The following CACNA1E variants were observed in gnomAD, a reference collection of about 807,000 sequenced individuals.
CACNA1E encodes the protein voltage-dependent R-type calcium channel subunit alpha-1E.
Under a neutral mutation model 259.2 loss-of-function variants are expected in CACNA1E, and 40 were observed. That is an observed-to-expected ratio of 0.15 (90% CI 0.12 to 0.20). The LOEUF (loss-of-function observed/expected upper bound fraction) is 0.20. Ranked by LOEUF, CACNA1E falls within the 10% of genes least tolerant of loss-of-function variation. CACNA1E has a pLI of 1.00. For synonymous variants in CACNA1E, 1,104 were observed against 1,138.5 expected (o/e 0.97, Z 0.61); for missense variants, 1,874 against 3,040.1 (o/e 0.62, Z 9.02).
intron 46 of CACNA1E, among the ~76,000 whole-genome samples, 188 bp from the exon 47 acceptor site, chr1:181,796,480 G>A (rs573942132): frequency 1.3e-5 from 2 of 152,204 alleles, no homozygotes; most frequent in South Asian, 4.1e-4. Flanking sequence ...CTCATGCCCT[G>A]CCTCCTAATA....
intron 1 of CACNA1E, among the ~76,000 whole-genome samples, chr1:181,496,037 G>A (rs12734881): frequency 0.058 from 8,758 of 152,190 alleles, 359 homozygotes; most frequent in Middle Eastern, 0.13. Context: ...TGGAGGCCTG[G>A]ATCAGAACTC....
At chr1:181,404,415 CT>C (rs1657322511) in intron 1 of CACNA1E, among the ~76,000 whole-genome samples, 1 of 152,106 alleles carries the variant, frequency 6.6e-6, no homozygotes, top group Non-Finnish European at 1.5e-5. Flanking sequence ...GCTAAAAATC[CT>C]TCAGGCCACA....
chr1:181,676,946 G>A (rs1290074839), intron 7 of CACNA1E, among the ~76,000 whole-genome samples: 1 of 152,048 alleles, frequency 6.6e-6, no homozygotes, highest in Non-Finnish European at 1.5e-5. Context: ...ACACTTTTTA[G>A]GCCTTTGTCA....
intron 3 of CACNA1E, among the ~76,000 whole-genome samples, chr1:181,556,938 C>G (rs1648787968): frequency 6.6e-6 from 1 of 152,170 alleles, no homozygotes; most frequent in Admixed American, 6.5e-5. Context: ...ACTTTCTCTC[C>G]CTCCCTTTTT....
At chr1:181,666,178 A>G (rs1648204365) in intron 7 of CACNA1E, among the ~76,000 whole-genome samples, 2 of 152,286 alleles carry the variant, frequency 1.3e-5, no homozygotes, top group Admixed American at 1.3e-4. Context: ...TCATGAGAAA[A>G]CAGTCTTTAC....
At chr1:181,378,893 AG>A (rs1655279127) in intron 1 of CACNA1E, among the ~76,000 whole-genome samples, 1 of 152,248 alleles carries the variant, frequency 6.6e-6, no homozygotes, top group Admixed American at 6.5e-5. Context: ...TCTCAGAACA[AG>A]GCTCACAAAT....
intron 5 of CACNA1E, among the ~76,000 whole-genome samples, chr1:181,579,893 A>T (rs1323759511): frequency 6.6e-6 from 1 of 152,120 alleles, no homozygotes; most frequent in Non-Finnish European, 1.5e-5. Flanking sequence ...GTATGGAAGA[A>T]CTGAGGGAGC....
chr1:181,729,919 A>C (rs1558315693), intron 18 of CACNA1E, among the ~76,000 whole-genome samples: 1 of 152,146 alleles, frequency 6.6e-6, no homozygotes, highest in East Asian at 1.9e-4. Flanking sequence ...TTCTGTATCT[A>C]CCCATGCTTC....
At position 181,710,938 on chromosome 1, in the gene CACNA1E, T is replaced by A. The variant is rs1653292051; in HGVS notation, c.1056-16T>A. On this transcript the variant is annotated splice_polypyrimidine_tract_variant and intron_variant, in intron 7 of 47. Coordinates refer to ENST00000367573, the MANE Select transcript of CACNA1E (RefSeq NM_001205293.3). Reference sequence around the variant, plus strand: ...CCCTGTCCAAACCCAGTGAATCTTATCCTTCTTGTCCACAGGGAATTTGCC... The same window carrying A: ...CCCTGTCCAAACCCAGTGAATCTTAACCTTCTTGTCCACAGGGAATTTGCC... 1 of 1,569,070 alleles carries A rather than the reference T, an allele frequency of 6.4e-7. No individual in the cohort carries two copies. The highest frequency in any genetic ancestry group is 1.3e-5 in the African/African-American group (1 of 74,084).
At chr1:181,547,704 A>G (rs1470563342) in intron 3 of CACNA1E, among the ~76,000 whole-genome samples, 1 of 152,244 alleles carries the variant, frequency 6.6e-6, no homozygotes, top group Admixed American at 6.5e-5. Flanking sequence ...GTGGGAGTAA[A>G]TAACAATGTT....
At chr1:181,711,251 C>T (rs1045706920) in intron 8 of CACNA1E, among the ~76,000 whole-genome samples, 182 bp downstream of exon 8, 1 of 152,334 alleles carries the variant, frequency 6.6e-6, no homozygotes, top group Non-Finnish European at 1.5e-5. Context: ...GTCTAACTGT[C>T]CTGTCTATCA....
rs187910394 is a variant in CACNA1E, at chr1:181,368,057, C to T, written c.-14-45076C>T. On this transcript the variant is annotated intron_variant, in intron 1 of 11. Coordinates refer to the CACNA1E transcript ENST00000524607. Reference sequence around the variant, plus strand: ...ACCAGCCTGGCCAACATGGTGAAACCCTATCTCTACTAAAAATACAAAAAT... The same window carrying T: ...ACCAGCCTGGCCAACATGGTGAAACTCTATCTCTACTAAAAATACAAAAAT... 3.7e-3 allele frequency among the ~76,000 whole-genome samples: 562 copies of T among 152,098 alleles called. 1 individual carries two copies. The highest frequency in any genetic ancestry group is 6.6e-3 in the Non-Finnish European group (449 of 67,988).
chr1:181,360,870 A>G (rs901132251), intron 1 of CACNA1E, among the ~76,000 whole-genome samples: 3 of 151,868 alleles, frequency 2.0e-5, no homozygotes, highest in Non-Finnish European at 2.9e-5. Context: ...CTTTACAACT[A>G]TATCTTTTCC....
At chr1:181,544,678 C>A (rs994350925) in intron 3 of CACNA1E, among the ~76,000 whole-genome samples, 5 of 152,150 alleles carry the variant, frequency 3.3e-5, no homozygotes, top group Admixed American at 2.6e-4. Context: ...CATTCCCGTG[C>A]AGATAATAAA....
At chr1:181,339,199 T>A (rs1651951598) in intron 1 of CACNA1E, among the ~76,000 whole-genome samples, 1 of 152,194 alleles carries the variant, frequency 6.6e-6, no homozygotes, top group Admixed American at 6.5e-5. Context: ...GTGTGAAAAG[T>A]ACCATTGGAA....
chr1:181,499,605 C>T (rs1665064743), intron 1 of CACNA1E, among the ~76,000 whole-genome samples: 2 of 152,202 alleles, frequency 1.3e-5, no homozygotes, highest in Non-Finnish European at 2.9e-5. Flanking sequence ...GTTATTTCAG[C>T]TGATTGGAGG....
At chr1:181,532,715 C>T (rs1667875785) in intron 3 of CACNA1E, among the ~76,000 whole-genome samples, 1 of 152,224 alleles carries the variant, frequency 6.6e-6, no homozygotes, top group Non-Finnish European at 1.5e-5. Context: ...ATTTTCAAAG[C>T]ATTTGAGGAA....
rs942131100 is a variant in CACNA1E, at chr1:181,807,784, G to A, written c.*8950G>A. 2 of 151,914 alleles carry A rather than the reference G, an allele frequency of 1.3e-5. No homozygotes were observed. Among genetic ancestry groups the A allele is most frequent in the East Asian group, 3.9e-4 (2 of 5,184 alleles). 9.4% of individuals were successfully genotyped at this position (151,914 alleles called of 1,614,324 possible). On this transcript the variant is annotated 3_prime_UTR_variant, in exon 48 of 48. Transcript: ENST00000367573. ...GTGGTCATCTCTCAGGGAGGTCTAG[G>A]TCCTTGCAGGCTGGATTTTAGAAAT...
intron 1 of CACNA1E, among the ~76,000 whole-genome samples, chr1:181,392,000 C>T (rs1557965963): frequency 6.6e-6 from 1 of 150,660 alleles, no homozygotes; most frequent in Admixed American, 6.6e-5. Flanking sequence ...GGACAGACCT[C>T]TTTTGGGCCA....
Sources: allele counts gnomAD v4.1 joint callset (sites outside exome capture counted in the v4.1 genomes callset), GRCh38; gene constraint gnomAD v4.1.1; transcripts MANE v1.5; gene names NCBI Gene and HGNC (gene_info 2026-07-23, HGNC 2026-07-21).